The following SNX14 variants were observed in gnomAD, a reference collection of about 807,000 sequenced individuals.
The protein encoded by SNX14 is sorting nexin 14.
Under a neutral mutation model 133.8 loss-of-function variants are expected in SNX14, and 93 were observed. The observed-to-expected ratio is 0.70, with a 90% CI of 0.59 to 0.83. The LOEUF (loss-of-function observed/expected upper bound fraction) is 0.83. Among genes scored for constraint, SNX14 ranks in the 40% least tolerant of loss-of-function variants. The pLI is 0.00. For missense variants in SNX14, 945 were observed against 1,094.9 expected (o/e 0.86, Z 1.93); for synonymous variants, 368 against 365.6 (o/e 1.01, Z -0.07).
chr6:85,550,398 C>T (rs766760164), intron 7 of SNX14, among the ~76,000 whole-genome samples: 4 of 152,188 alleles, frequency 2.6e-5, no homozygotes, highest in Non-Finnish European at 5.9e-5. Flanking sequence ...GAGAAAACAA[C>T]TTTTACAACT....
At position 85,557,777 on chromosome 6, in the gene SNX14, A is replaced by C. The variant is rs374642789; in HGVS notation, c.634+199T>G. 2.6e-5 allele frequency among the ~76,000 whole-genome samples: 4 copies of C among 152,344 alleles called. No individual in the cohort carries two copies. In the East Asian group the frequency reaches 5.8e-4, roughly 22 times the overall value. ...GATTAAGAGTGTCAGCAGTAAAGTT[A>C]ACTTTTATTTTAATTTTTAAAGGCT... On this transcript the variant is annotated intron_variant, in intron 7 of 28. Transcript: ENST00000314673.
At chr6:85,525,831 C>T (rs1362467138) in intron 21 of SNX14, among the ~76,000 whole-genome samples, 1 of 152,102 alleles carries the variant, frequency 6.6e-6, no homozygotes, top group Non-Finnish European at 1.5e-5. Flanking sequence ...CACTGATTCG[C>T]ATATGCTAAA....
intron 20 of SNX14, among the ~76,000 whole-genome samples, chr6:85,526,534 C>T (rs944419384): frequency 3.3e-5 from 5 of 152,148 alleles, no homozygotes; most frequent in African/African-American, 1.2e-4. Flanking sequence ...AGAATAATGA[C>T]ACTACCTATA....
chr6:85,530,115 A>G, intron 19 of SNX14, 77 bp downstream of exon 19: 1 of 837,588 alleles, frequency 1.2e-6, no homozygotes, highest in Non-Finnish European at 1.9e-6. Flanking sequence ...CTTAAAATAA[A>G]AAAATTAATC....
chr6:85,530,359 A>AG, intron 18 of SNX14, 84 bp from the exon 19 acceptor site: 6 of 922,486 alleles, frequency 6.5e-6, no homozygotes, highest in Non-Finnish European at 9.7e-6. Context: ...AAGAATACAA[A>AG]GCTGGCTAGA....
chr6:85,510,744 T>C (rs1772500246), intron 26 of SNX14, among the ~76,000 whole-genome samples: 2 of 152,236 alleles, frequency 1.3e-5, no homozygotes, highest in African/African-American at 4.8e-5. Flanking sequence ...TTTACAGTTT[T>C]GCTGTAAACT....
intron 1 of SNX14, among the ~76,000 whole-genome samples, chr6:85,582,701 AC>A (rs1799416389): frequency 6.6e-6 from 1 of 152,160 alleles, no homozygotes. Context: ...ATTCCTGGAC[AC>A]CCTCTCAAGA....
chr6:85,507,588 T>C (rs1318317980), intron 27 of SNX14, among the ~76,000 whole-genome samples: 1 of 152,186 alleles, frequency 6.6e-6, no homozygotes. Context: ...CACAACTGTA[T>C]TGAGATCTCA....
At chr6:85,536,093 G>A (rs147762840) in intron 17 of SNX14, among the ~76,000 whole-genome samples, 17 of 152,170 alleles carry the variant, frequency 1.1e-4, no homozygotes, top group African/African-American at 3.9e-4. Context: ...TTTAACATAC[G>A]ATATAATAGG....
chr6:85,567,164 C>A (rs1010981544), intron 5 of SNX14, among the ~76,000 whole-genome samples: 5 of 152,174 alleles, frequency 3.3e-5, no homozygotes, highest in Non-Finnish European at 2.9e-5. Context: ...ACTTTTCTTT[C>A]AAAACACAGC....
intron 26 of SNX14, among the ~76,000 whole-genome samples, chr6:85,509,688 G>C (rs983942069): frequency 2.6e-5 from 4 of 152,062 alleles, no homozygotes; most frequent in Non-Finnish European, 5.9e-5. Flanking sequence ...ATTACCCAGA[G>C]TCCATAATTT....
chr6:85,506,701 C>A (rs1231620505), intron 28 of SNX14, among the ~76,000 whole-genome samples: 2 of 152,206 alleles, frequency 1.3e-5, no homozygotes, highest in Non-Finnish European at 2.9e-5. Context: ...TACCACAGCA[C>A]TGAACAACAG....
chr6:85,514,654 A>G (rs771479634), intron 23 of SNX14, 25 bp from the exon 24 acceptor site: 2 of 1,593,056 alleles, frequency 1.3e-6, no homozygotes, highest in Non-Finnish European at 1.7e-6. Flanking sequence ...GGAATAATAA[A>G]GAGATATATA....
In SNX14 at chr6:85,517,746, T is replaced by A; in HGVS notation, c.2268+10A>T. 2 of 1,571,252 alleles carry A rather than the reference T, an allele frequency of 1.3e-6. No individual in the cohort carries two copies. Among genetic ancestry groups the A allele is most frequent in the Non-Finnish European group, 1.7e-6 (2 of 1,166,920 alleles). ...AAAACTTAATAGTTCTTTAATGCAATGTGCAGTACCTTCTTGTTGTTTTCT... is the reference window on the plus strand; with the variant it reads ...AAAACTTAATAGTTCTTTAATGCAAAGTGCAGTACCTTCTTGTTGTTTTCT... On this transcript the variant is annotated intron_variant, in intron 23 of 28. Coordinates refer to ENST00000314673, the MANE Select transcript of SNX14 (RefSeq NM_153816.6).
At chr6:85,571,012 C>CGG (rs1795361243) in intron 4 of SNX14, among the ~76,000 whole-genome samples, 1 of 152,086 alleles carries the variant, frequency 6.6e-6, no homozygotes, top group East Asian at 1.9e-4. Context: ...TGGCTAGGAG[C>CGG]TACCATATTA....
rs1774119888 is a variant in SNX14 at position 85,514,532 on chromosome 6, CCTT to C, written c.2363_2365del (p.Glu788del). ...TACATACATCAGGTAATCATAGACT[CCTT>C]CTACAGTCATCACCTCCATAAAATA... On this transcript the variant is annotated inframe_deletion, in exon 24 of 29. Transcript: ENST00000314673. The C allele has an allele frequency of 1.2e-6, 2 of 1,613,486 alleles. No homozygotes were observed. Among genetic ancestry groups the C allele is most frequent in the Middle Eastern group, 1.7e-4 (1 of 6,058 alleles).
intron 21 of SNX14, among the ~76,000 whole-genome samples, chr6:85,519,292 C>T (rs1403237784): frequency 6.6e-6 from 1 of 152,182 alleles, no homozygotes; most frequent in Non-Finnish European, 1.5e-5. Flanking sequence ...CATTATTTAA[C>T]TCACTGATTT....
intron 17 of SNX14, 59 bp downstream of exon 17, chr6:85,536,733 T>A: frequency 6.6e-7 from 1 of 1,525,346 alleles, no homozygotes. Context: ...GTATATCTAA[T>A]TTTTATGTCA....
At chr6:85,530,528 C>A (rs1255561217) in intron 18 of SNX14, among the ~76,000 whole-genome samples, 1 of 151,766 alleles carries the variant, frequency 6.6e-6, no homozygotes, top group African/African-American at 2.4e-5. Flanking sequence ...ACCTGTAGTC[C>A]CAGCTACTCA....
Sources: gnomAD v4.1 joint callset for allele counts (sites outside exome capture counted in the v4.1 genomes callset) on GRCh38, gnomAD v4.1.1 for gene constraint, MANE v1.5 for transcripts, NCBI Gene and HGNC (gene_info 2026-07-23, HGNC 2026-07-21) for gene names.